NALF1: variants seen among roughly 807,000 people sequenced by gnomAD.
NALF1 encodes the protein family with sequence similarity 155 member A.
Under a neutral mutation model 48.4 loss-of-function variants are expected in NALF1, and 3 were observed. That is an observed-to-expected ratio of 0.06 (90% CI 0.03 to 0.16). NALF1 has a LOEUF of 0.16. Ranked by LOEUF, NALF1 falls within the 10% of genes least tolerant of loss-of-function variation. The probability of loss-of-function intolerance (pLI) is 1.00; values close to 1 mark genes in which losing one functional copy is unlikely to be tolerated. For synonymous variants in NALF1, 262 were observed against 245.7 expected, an observed-to-expected ratio of 1.07 and a Z score of -0.62; for missense variants, 526 against 571.5, an observed-to-expected ratio of 0.92 and a Z score of 0.81.
chr13:107,620,358 A>G (rs1189019100), intron 1 of NALF1, among the ~76,000 whole-genome samples: 2 of 152,216 alleles, frequency 1.3e-5, no homozygotes, highest in Admixed American at 1.3e-4. Flanking sequence ...GCAGAGAATA[A>G]CGTGCTATCA....
chr13:107,385,429 T>G (rs953847889), intron 1 of NALF1, among the ~76,000 whole-genome samples: 2 of 151,866 alleles, frequency 1.3e-5, no homozygotes, highest in African/African-American at 4.8e-5. Context: ...GGCGCGTGCC[T>G]GTAATCCCAG....
At chr13:107,485,747 T>C (rs1030644650) in intron 1 of NALF1, among the ~76,000 whole-genome samples, 2 of 152,170 alleles carry the variant, frequency 1.3e-5, no homozygotes, top group African/African-American at 4.8e-5. Context: ...TTAAGCAATT[T>C]TGCACTATGT....
chr13:107,356,039 T>G (rs1171788081), intron 1 of NALF1, among the ~76,000 whole-genome samples: 1 of 152,216 alleles, frequency 6.6e-6, no homozygotes, highest in Non-Finnish European at 1.5e-5. Flanking sequence ...TGTCAAGTTA[T>G]TGCCTTTCTT....
At chr13:107,862,946 G>GT in intron 1 of NALF1, among the ~76,000 whole-genome samples, 1 of 151,362 alleles carries the variant, frequency 6.6e-6, no homozygotes. Flanking sequence ...AGTTAATATA[G>GT]TTTTTCTAAA....
rs74913591 is a variant in NALF1 at position 107,734,089 on chromosome 13, G to A, written c.915+131593C>T. ...TACCTAAACATAGAAAAAGTAATGT[G>A]TTGCACTACGGTGTTATGACGGCTA... is the stretch of plus-strand genomic sequence containing the variant. On this transcript the variant is annotated intron_variant, in intron 1 of 2. Transcript: ENST00000375915. Among the ~76,000 whole-genome samples the A allele has an allele frequency of 9.2e-3, 1,399 of 152,212 alleles. 16 individuals are homozygous for A. The highest frequency in any genetic ancestry group is 0.031 in the African/African-American group (1,298 of 41,532).
At chr13:107,632,962 C>T (rs1879873254) in intron 1 of NALF1, among the ~76,000 whole-genome samples, 1 of 150,680 alleles carries the variant, frequency 6.6e-6, no homozygotes, top group Non-Finnish European at 1.5e-5. Context: ...GGTGCAGCTC[C>T]CTTAAAAATT....
chr13:107,855,349 T>G (rs1441978128), intron 1 of NALF1, among the ~76,000 whole-genome samples: 1 of 152,208 alleles, frequency 6.6e-6, no homozygotes, highest in Non-Finnish European at 1.5e-5. Context: ...CAAACTTTCT[T>G]AAAACATTTT....
intron 1 of NALF1, among the ~76,000 whole-genome samples, chr13:107,470,215 G>C (rs902674499): frequency 2.0e-5 from 3 of 152,150 alleles, no homozygotes; most frequent in Non-Finnish European, 4.4e-5. Context: ...GCATATGGTT[G>C]TTCTTAAACT....
chr13:107,521,335 T>C (rs1489969410), intron 1 of NALF1, among the ~76,000 whole-genome samples: 1 of 152,152 alleles, frequency 6.6e-6, no homozygotes, highest in African/African-American at 2.4e-5. Flanking sequence ...TTTATACATA[T>C]TCAAAGAAAA....
Position 107,529,997 on chromosome 13 carries a change from C to A in NALF1, c.916-319242G>T, listed in dbSNP as rs549091208. Among the ~76,000 whole-genome samples, 28 of 152,124 alleles carry A rather than the reference C, an allele frequency of 1.8e-4. No homozygotes were observed. The South Asian group carries it at 5.4e-3, about 29-fold the overall frequency. ...TCAAGAGGAAGATGACTGTTAATAC[C>A]CAAGAGTAAGAATAAGAAGCAAGGG... On this transcript the variant is annotated intron_variant, in intron 1 of 2. Transcript: ENST00000375915.
At chr13:107,416,174 A>ATTTTTTT (rs369522653) in intron 1 of NALF1, among the ~76,000 whole-genome samples, 1 of 143,682 alleles carries the variant, frequency 7.0e-6, no homozygotes, top group Non-Finnish European at 1.5e-5. Context: ...GCCCGGCTAA[A>ATTTTTTT]TTTTTTTTTT....
chr13:107,523,586 A>G (rs192466819), intron 1 of NALF1, among the ~76,000 whole-genome samples: 1 of 137,624 alleles, frequency 7.3e-6, no homozygotes, highest in Non-Finnish European at 1.5e-5. Context: ...TCACTGATAC[A>G]GAGTTCCAGT....
intron 2 of NALF1, among the ~76,000 whole-genome samples, chr13:107,189,768 T>G (rs1333353094): frequency 6.6e-6 from 1 of 152,218 alleles, no homozygotes; most frequent in Non-Finnish European, 1.5e-5. Flanking sequence ...ACTTTTCAGG[T>G]TAGATTACTC....
At chr13:107,291,818 T>C (rs1407495962) in intron 1 of NALF1, among the ~76,000 whole-genome samples, 1 of 152,214 alleles carries the variant, frequency 6.6e-6, no homozygotes, top group African/African-American at 2.4e-5. Flanking sequence ...AAATGAAATG[T>C]TTTGTTTATC....
chr13:107,257,689 G>A (rs960151451), intron 1 of NALF1, among the ~76,000 whole-genome samples: 1 of 152,150 alleles, frequency 6.6e-6, no homozygotes, highest in Non-Finnish European at 1.5e-5. Flanking sequence ...GGCCAGGCAT[G>A]TGCAGGTGTT....
intron 1 of NALF1, among the ~76,000 whole-genome samples, chr13:107,282,238 G>A (rs1291419338): frequency 6.6e-6 from 1 of 152,170 alleles, no homozygotes; most frequent in Non-Finnish European, 1.5e-5. Flanking sequence ...AGACTTTGAG[G>A]TCAGGTCTAA....
intron 1 of NALF1, among the ~76,000 whole-genome samples, chr13:107,242,588 T>C (rs553055195): frequency 1.9e-4 from 29 of 152,370 alleles, no homozygotes; most frequent in African/African-American, 6.7e-4. Context: ...CATTTATTTT[T>C]AATTAATTGA....
chr13:107,583,951 C>CA (rs963908805), intron 1 of NALF1, among the ~76,000 whole-genome samples: 5 of 151,862 alleles, frequency 3.3e-5, no homozygotes, highest in East Asian at 3.9e-4. Flanking sequence ...ATTCTAAGGA[C>CA]AAAAAAATCA....
chr13:107,513,584 C>G (rs979692299), intron 1 of NALF1, among the ~76,000 whole-genome samples: 2 of 150,798 alleles, frequency 1.3e-5, no homozygotes, highest in Non-Finnish European at 3.0e-5. Context: ...TGAAGGTAAA[C>G]GTAATAATAG....
Sources: allele counts gnomAD v4.1 joint callset (sites outside exome capture counted in the v4.1 genomes callset), GRCh38; gene constraint gnomAD v4.1.1; transcripts MANE v1.5; gene names NCBI Gene and HGNC (gene_info 2026-07-23, HGNC 2026-07-21).